The following MAPK6 variants were observed in gnomAD, a reference collection of about 807,000 sequenced individuals.
MAPK6 encodes the protein mitogen-activated protein kinase 6.
Under a neutral mutation model 59.3 loss-of-function variants are expected in MAPK6, and 19 were observed. That is an observed-to-expected ratio of 0.32 (90% CI 0.22 to 0.47). The LOEUF is 0.47. MAPK6 is among the 20% of genes least tolerant of loss of function. MAPK6 has a pLI of 1.00. For missense variants in MAPK6, 724 were observed against 847.9 expected (o/e 0.85, Z 1.81); for synonymous variants, 316 against 290.3 (o/e 1.09, Z -0.90).
chr15:52,048,175 G>T (rs2031654758), intron 2 of MAPK6, among the ~76,000 whole-genome samples: 1 of 152,034 alleles, frequency 6.6e-6, no homozygotes, highest in Admixed American at 6.5e-5. Context: ...TTGAGACTGA[G>T]TTGTGCTCTT....
At chr15:52,003,254 C>T (rs4375608) in intron 2 of MAPK6, among the ~76,000 whole-genome samples, 5,642 of 152,188 alleles carry the variant, frequency 0.037, 246 homozygotes, top group African/African-American at 0.089. Context: ...TTCACTATCA[C>T]GAGAACAGCA....
At chr15:52,004,923 G>T (rs1057173983) in intron 3 of MAPK6, among the ~76,000 whole-genome samples, 1 of 152,194 alleles carries the variant, frequency 6.6e-6, no homozygotes, top group East Asian at 1.9e-4. Flanking sequence ...CTGAGGCTGA[G>T]CGTGGAAGGG....
intron 3 of MAPK6, among the ~76,000 whole-genome samples, chr15:52,053,466 C>G (rs2141103171): frequency 6.6e-6 from 1 of 152,152 alleles, no homozygotes; most frequent in Non-Finnish European, 1.5e-5. Flanking sequence ...ATTGGGTTGT[C>G]TTTTTATTAT....
chr15:51,995,852 C>T (rs940057749), intron 2 of MAPK6, among the ~76,000 whole-genome samples: 14 of 152,010 alleles, frequency 9.2e-5, no homozygotes, highest in African/African-American at 2.7e-4. Flanking sequence ...CGCTTAAACC[C>T]GGGAGGCAGA....
Position 52,064,848 on chromosome 15 carries a change from A to G in MAPK6, c.2014A>G (p.Lys672Glu). 6.2e-7 allele frequency: 1 copy of G among 1,611,978 alleles called. No individual in the cohort carries two copies. The highest frequency in any genetic ancestry group is 8.5e-7 in the Non-Finnish European group (1 of 1,179,842). ...LNNSGEFLFN[K>E]QLESIGIPQF... ...CAACAGTGGGGAGTTCCTCTTTAAC[A>G]AGCAGCTCGAGTCCATAGGCATCCC... Residue 672 changes from lysine (K) to glutamate (E), a missense_variant, in exon 6 of 6, where the codon AAG (lysine) becomes GAG (glutamate). This residue lies in a region of MAPK6 where 502 missense variants were observed against 507.6 expected (regional missense o/e 0.99). Coordinates refer to ENST00000261845, the MANE Select transcript of MAPK6 (RefSeq NM_002748.4).
chr15:51,988,345 G>T (rs1447752323), intron 2 of MAPK6, among the ~76,000 whole-genome samples: 1 of 152,082 alleles, frequency 6.6e-6, no homozygotes, highest in East Asian at 1.9e-4. Context: ...AAAAAGAAAA[G>T]ATAGAAACAT....
At chr15:51,999,094 C>T (rs1555395771) in intron 2 of MAPK6, among the ~76,000 whole-genome samples, 1 of 151,658 alleles carries the variant, frequency 6.6e-6, no homozygotes, top group Non-Finnish European at 1.5e-5. Flanking sequence ...CTCCCGAGTT[C>T]AAGCGATTCT....
At chr15:52,020,135 A>G (rs2030463054) in intron 1 of MAPK6, 1 of 152,288 alleles carries the variant, frequency 6.6e-6, no homozygotes, top group African/African-American at 2.4e-5. Context: ...AAAAGTGCCC[A>G]AATGAAAGCT....
chr15:52,036,491 G>C (rs1201166930), intron 1 of MAPK6, among the ~76,000 whole-genome samples: 1 of 152,188 alleles, frequency 6.6e-6, no homozygotes, highest in Non-Finnish European at 1.5e-5. Flanking sequence ...AAGAGAAAGA[G>C]AGGGCCAAAT....
chr15:52,025,323 T>TG (rs1490962235), intron 1 of MAPK6, among the ~76,000 whole-genome samples: 3 of 152,316 alleles, frequency 2.0e-5, no homozygotes, highest in African/African-American at 7.2e-5. Flanking sequence ...CTCTTTCCAC[T>TG]GGCCCTTCTG....
intron 2 of MAPK6, among the ~76,000 whole-genome samples, chr15:51,995,792 G>A (rs921415424): frequency 6.6e-6 from 1 of 152,164 alleles, no homozygotes; most frequent in African/African-American, 2.4e-5. Flanking sequence ...GCCAGGCATG[G>A]TGGCGCATGC....
chr15:52,055,177 AC>A, intron 3 of MAPK6, among the ~76,000 whole-genome samples: 1 of 152,300 alleles, frequency 6.6e-6, no homozygotes, highest in Admixed American at 6.5e-5. Flanking sequence ...GGAGGCTGAG[AC>A]CAGAGGATCA....
chr15:52,064,890 G>A lies in MAPK6; in HGVS notation c.2056G>A (p.Val686Ile), dbSNP rs757873826. 7 of 1,611,938 alleles carry A rather than the reference G, an allele frequency of 4.3e-6. No homozygotes were observed. Among genetic ancestry groups the A allele is most frequent in the Non-Finnish European group, 4.2e-6 (5 of 1,179,818 alleles). The stretch of plus-strand genomic sequence containing the variant: ...AGGCATCCCACAGTTTCACAGTCCA[G>A]TTGGGTCACCACTTAAGTCAATACA... ...SIGIPQFHSP[V>I]GSPLKSIQAT... Residue 686 changes from valine (V) to isoleucine (I), a missense_variant, in exon 6 of 6, where the codon GTT becomes ATT. Coordinates refer to ENST00000261845, the MANE Select transcript of MAPK6 (RefSeq NM_002748.4).
chr15:52,053,001 G>A (rs576606440), intron 3 of MAPK6, among the ~76,000 whole-genome samples: 1 of 151,506 alleles, frequency 6.6e-6, no homozygotes, highest in African/African-American at 2.4e-5. Flanking sequence ...CACCACCAAT[G>A]CATGAGAGTT....
At position 51,986,324 on chromosome 15, in the gene MAPK6, C is replaced by G. The variant is rs140025830; in HGVS notation, c.-770+3009C>G. Among the ~76,000 whole-genome samples the G allele has an allele frequency of 2.6e-3, 402 of 152,146 alleles. 3 individuals are homozygous for G. The highest frequency in any genetic ancestry group is 3.7e-3 in the Non-Finnish European group (249 of 68,000). ...TCAACATGAGATTTGGGTGGGGACA[C>G]AGAACCAAACCATATCAGTCACAAA... On this transcript the variant is annotated intron_variant, in intron 2 of 7. Transcript: ENST00000691380.
chr15:52,053,607 ATTGATTGATTGATTGATTGG>A (rs887655400), intron 3 of MAPK6, among the ~76,000 whole-genome samples: 109 of 2,058 alleles, frequency 0.053, no homozygotes, highest in African/African-American at 0.095. Flanking sequence ...TGATTGGTTG[ATTGATTGATTGATTGATTGG>A]TTGATTGATT....
chr15:52,055,825 ATTTTTAAATGTTTG>A (rs1204282312), intron 3 of MAPK6, among the ~76,000 whole-genome samples: 2 of 152,150 alleles, frequency 1.3e-5, no homozygotes, highest in African/African-American at 2.4e-5. Context: ...GTATTTGTGT[ATTTTTAAATGTTTG>A]TTTTTAAATG....
At chr15:51,995,585 A>G (rs2057221904) in intron 2 of MAPK6, among the ~76,000 whole-genome samples, 1 of 152,128 alleles carries the variant, frequency 6.6e-6, no homozygotes, top group African/African-American at 2.4e-5. Flanking sequence ...TATAGGACAA[A>G]CTATAGCTGC....
intron 1 of MAPK6, among the ~76,000 whole-genome samples, chr15:51,976,718 G>C (rs897615987): frequency 1.3e-5 from 2 of 151,680 alleles, no homozygotes; most frequent in African/African-American, 2.4e-5. Context: ...GCCGAGGCAG[G>C]CGGATCATGA....
Sources: allele counts gnomAD v4.1 joint callset (sites outside exome capture counted in the v4.1 genomes callset), GRCh38; gene constraint gnomAD v4.1.1; regional missense constraint gnomAD v4.1.1; transcripts MANE v1.5; gene names NCBI Gene and HGNC (gene_info 2026-07-23, HGNC 2026-07-21).